The following ATP8A1 variants were observed in gnomAD, a reference collection of about 807,000 sequenced individuals.
ATP8A1 encodes phospholipid-transporting ATPase IA.
A neutral mutation model predicts 177.7 loss-of-function variants in ATP8A1; 90 were observed. The ratio of observed to expected loss-of-function variants is 0.51; its 90% confidence interval spans 0.43 to 0.60. ATP8A1 has a LOEUF of 0.60. Among genes scored for constraint, ATP8A1 ranks in the 20% least tolerant of loss-of-function variants. The pLI, the probability that ATP8A1 is intolerant of heterozygous loss-of-function variation, is 0.00. For synonymous variants in ATP8A1, 493 were observed against 485.9 expected (o/e 1.01, Z -0.19); for missense variants, 1,072 against 1,392.8 (o/e 0.77, Z 3.67).
At chr4:42,593,525 C>A (rs1332013854) in intron 6 of ATP8A1, among the ~76,000 whole-genome samples, 23 of 151,594 alleles carry the variant, frequency 1.5e-4, no homozygotes, top group Non-Finnish European at 2.2e-4. Flanking sequence ...TAAATGATGA[C>A]CTGATTAAAT....
chr4:42,550,666 T>C (rs1429518110), intron 18 of ATP8A1, among the ~76,000 whole-genome samples: 4 of 152,248 alleles, frequency 2.6e-5, no homozygotes, highest in East Asian at 3.9e-4. Context: ...GTGCAGTGGT[T>C]CATGCCTGTA....
In ATP8A1 at chr4:42,616,075, G is replaced by T. The variant is rs1372912447; in HGVS notation, c.367C>A (p.Arg123=). The T allele has an allele frequency of 6.3e-5, 101 of 1,609,736 alleles. No individual in the cohort carries two copies. Among genetic ancestry groups the T allele is most frequent in the Non-Finnish European group, 8.2e-5 (97 of 1,178,342 alleles). ...TTCACTGCATTATCAGCTTTATGTCGTTTCTAAAGTTTAAAAGCAAAAAGA... is the reference window on the plus strand; with the variant it reads ...TTCACTGCATTATCAGCTTTATGTCTTTTCTAAAGTTTAAAAGCAAAAAGA... ...AIKEIIEDIK[R]HKADNAVNKK... is the part of the protein sequence containing the mutation. Residue 123 remains arginine, a synonymous_variant, in exon 5 of 37, where the codon CGA becomes AGA. Coordinates refer to ENST00000381668, the MANE Select transcript of ATP8A1 (RefSeq NM_006095.2).
chr4:42,455,605 A>G lies in ATP8A1; in HGVS notation c.2620-6T>C. On this transcript the variant is annotated splice_region_variant and splice_polypyrimidine_tract_variant and intron_variant, in intron 27 of 36. Coordinates refer to ENST00000381668, the MANE Select transcript of ATP8A1 (RefSeq NM_006095.2). ...TTAACAAAGGCAAACCAGATCTAGG[A>G]AAAAAAACCCAAAACCCCCAAATTA... 6.2e-7 allele frequency: 1 copy of G among 1,609,548 alleles called. No individual in the cohort carries two copies. The highest frequency in any genetic ancestry group is 1.1e-5 in the South Asian group (1 of 89,960).
chr4:42,442,775 G>C (rs1349151531), intron 33 of ATP8A1, among the ~76,000 whole-genome samples: 1 of 152,092 alleles, frequency 6.6e-6, no homozygotes, highest in South Asian at 2.1e-4. Flanking sequence ...CACTGGAAAG[G>C]GTTCCTGGGA....
chr4:42,564,002 G>C (rs1447861644), intron 15 of ATP8A1, among the ~76,000 whole-genome samples: 2 of 152,166 alleles, frequency 1.3e-5, no homozygotes, highest in Non-Finnish European at 2.9e-5. Flanking sequence ...GGCTGAGGCA[G>C]GAGAATCACT....
chr4:42,503,568 G>T, intron 23 of ATP8A1, 54 bp from the exon 24 acceptor site: 1 of 1,202,228 alleles, frequency 8.3e-7, no homozygotes, highest in South Asian at 1.4e-5. Flanking sequence ...AATATGTAAA[G>T]ATGTTAAAAC....
chr4:42,448,676 G>A lies in ATP8A1; in HGVS notation c.2897-2032C>T, dbSNP rs138013188. Among the ~76,000 whole-genome samples, 895 of 151,552 alleles carry A rather than the reference G, an allele frequency of 5.9e-3. 7 individuals are homozygous for A. Among genetic ancestry groups the A allele is most frequent in the Non-Finnish European group, 9.2e-3 (623 of 67,874 alleles). On this transcript the variant is annotated intron_variant, in intron 30 of 36. Coordinates refer to ENST00000381668, the MANE Select transcript of ATP8A1 (RefSeq NM_006095.2). ...GGCTCCCGAAGTGCTGGGATTACAG[G>A]TGTGAGCTACTAAGCCTGGCCAACA...
At chr4:42,560,199 TAAGA>T (rs1730670595) in intron 15 of ATP8A1, among the ~76,000 whole-genome samples, 1 of 151,964 alleles carries the variant, frequency 6.6e-6, no homozygotes, top group African/African-American at 2.4e-5. Context: ...TCTGTAAAAA[TAAGA>T]GAGAAAAAAT....
At chr4:42,507,692 T>G (rs1724518270) in intron 22 of ATP8A1, among the ~76,000 whole-genome samples, 2 of 120,880 alleles carry the variant, frequency 1.7e-5, no homozygotes, top group South Asian at 5.7e-4. Flanking sequence ...ATCGTGCCAC[T>G]GCACTCCAGC....
chr4:42,444,304 C>T (rs1228386995), intron 32 of ATP8A1, among the ~76,000 whole-genome samples: 1 of 152,204 alleles, frequency 6.6e-6, no homozygotes, highest in Non-Finnish European at 1.5e-5. Flanking sequence ...TAAAGTCTCA[C>T]CACTTCCTGG....
chr4:42,523,091 A>G (rs1726310020), intron 21 of ATP8A1, among the ~76,000 whole-genome samples: 3 of 152,170 alleles, frequency 2.0e-5, no homozygotes, highest in Admixed American at 2.0e-4. Context: ...CTGTAGTTTA[A>G]AAGTCTAAGT....
intron 33 of ATP8A1, among the ~76,000 whole-genome samples, chr4:42,427,130 C>T (rs13117811): frequency 0.55 from 83,765 of 151,650 alleles, 23,419 homozygotes; most frequent in Middle Eastern, 0.69. Context: ...TAAAAGGCTT[C>T]CAAAGCTTAA....
In ATP8A1 at chr4:42,412,716, T is replaced by G. The variant is rs1712756364; in HGVS notation, c.*200A>C. 9 of 460,996 alleles carry G rather than the reference T, an allele frequency of 2.0e-5. No homozygotes were observed. In the East Asian group the frequency reaches 3.1e-4, roughly 16 times the overall value. The allele number at this position is 460,996 out of a possible 1,614,324, so 28.6% of individuals were successfully genotyped here. ...AGACTTAGCAAATACCTTAAAAAAATCCAAAAGAGATGGTGTTACAGTACA... is the reference window on the plus strand; with the variant it reads ...AGACTTAGCAAATACCTTAAAAAAAGCCAAAAGAGATGGTGTTACAGTACA... On this transcript the variant is annotated 3_prime_UTR_variant, in exon 37 of 37. Coordinates refer to ENST00000381668, the MANE Select transcript of ATP8A1 (RefSeq NM_006095.2).
chr4:42,462,647 C>T (rs1328973793), intron 27 of ATP8A1, among the ~76,000 whole-genome samples: 1 of 152,226 alleles, frequency 6.6e-6, no homozygotes, highest in Non-Finnish European at 1.5e-5. Context: ...AATGTGAGGT[C>T]AGAGCCCCCA....
At chr4:42,502,829 A>G (rs1723989100) in intron 24 of ATP8A1, among the ~76,000 whole-genome samples, 1 of 152,228 alleles carries the variant, frequency 6.6e-6, no homozygotes, top group Admixed American at 6.5e-5. Context: ...TTCCACCTAA[A>G]ATAACAAATA....
chr4:42,551,328 T>C (rs1729482249), intron 17 of ATP8A1, 48 bp from the exon 18 acceptor site: 1 of 1,321,686 alleles, frequency 7.6e-7, no homozygotes, highest in Admixed American at 1.7e-5. Context: ...GAAAAAAAAA[T>C]ATTCTCAGCA....
chr4:42,564,251 A>T (rs1731135080), intron 15 of ATP8A1, among the ~76,000 whole-genome samples: 1 of 152,168 alleles, frequency 6.6e-6, no homozygotes, highest in African/African-American at 2.4e-5. Flanking sequence ...ATGTGGGGTC[A>T]GAGCCCCCCC....
chr4:42,558,813 A>C (rs1285137112), intron 15 of ATP8A1, among the ~76,000 whole-genome samples: 1 of 152,254 alleles, frequency 6.6e-6, no homozygotes, highest in African/African-American at 2.4e-5. Flanking sequence ...CTTAGGTATC[A>C]TATATAATTC....
rs558760378 is a variant in ATP8A1, at chr4:42,438,110, A to G, written c.3123+5455T>C. Among the ~76,000 whole-genome samples the G allele has an allele frequency of 6.6e-5, 10 of 152,288 alleles. No homozygotes were observed. The South Asian group carries it at 1.0e-3, about 16-fold the overall frequency. ...GGGAGAAAAGCCACAGGGAAGGGGA[A>G]AGAAAAGATGAGAGAAGAAATGGAA... On this transcript the variant is annotated intron_variant, in intron 33 of 36. Transcript: ENST00000381668.
Sources: gnomAD v4.1 joint callset for allele counts (sites outside exome capture counted in the v4.1 genomes callset) on GRCh38, gnomAD v4.1.1 for gene constraint, MANE v1.5 for transcripts, NCBI Gene and HGNC (gene_info 2026-07-23, HGNC 2026-07-21) for gene names.